The following ECHDC3 variants were observed in gnomAD, a reference collection of about 807,000 sequenced individuals.
ECHDC3 encodes enoyl-CoA hydratase domain-containing protein 3, mitochondrial.
A neutral mutation model predicts 17.9 loss-of-function variants in ECHDC3; 20 were observed. The observed-to-expected ratio is 1.12, with a 90% confidence interval of 0.79 to 1.63. ECHDC3 has a LOEUF of 1.63. Among genes scored for constraint, ECHDC3 ranks in the 40% most tolerant of loss-of-function variants. The probability of loss-of-function intolerance (pLI) is 0.00; values close to 1 mark genes in which losing one functional copy is unlikely to be tolerated. For missense variants in ECHDC3, 407 were observed against 357.7 expected (o/e 1.14, Z -1.11); for synonymous variants, 177 against 149.7 (o/e 1.18, Z -1.33).
In ECHDC3 at chr10:11,742,477, G is replaced by A; in HGVS notation, c.-100G>A. On this transcript the variant is annotated 5_prime_UTR_variant, in exon 1 of 5. Transcript: ENST00000379215. ...CTCGGCCACCGTCGAGTTCCGTCGA[G>A]TTCCGTCCCGGCCCTGCTCACAGCA... The A allele has an allele frequency of 8.6e-7, 1 of 1,161,874 alleles. No homozygotes were observed. The highest frequency in any genetic ancestry group is 1.1e-6 in the Non-Finnish European group (1 of 925,296). The allele number at this position is 1,161,874 out of a possible 1,614,324, so 72.0% of individuals were successfully genotyped here. A position where few individuals can be genotyped will look rare whatever the true frequency, so the allele number is the denominator to read the frequency against.
chr10:11,763,174 G>A lies in ECHDC3; in HGVS notation c.592-50G>A, dbSNP rs1156471545. 1.4e-6 allele frequency: 1 copy of A among 695,968 alleles called. No homozygotes were observed. The highest frequency in any genetic ancestry group is 2.7e-6 in the Non-Finnish European group (1 of 376,860). The allele number at this position is 695,968 out of a possible 1,614,324, so 43.1% of individuals were successfully genotyped here. A position where few individuals can be genotyped will look rare whatever the true frequency, so the allele number is the denominator to read the frequency against. On this transcript the variant is annotated intron_variant, in intron 4 of 4. Transcript: ENST00000379215. The surrounding 1 kb of genome is among the most constrained non-coding windows in gnomAD (Gnocchi z 4.9). Reference sequence around the variant, plus strand: ...GAGCCGAGGCGGGACTCAGGTGGCGGGGGCGGGTCACAGGAGAGCACCTCA... The same window carrying A: ...GAGCCGAGGCGGGACTCAGGTGGCGAGGGCGGGTCACAGGAGAGCACCTCA...
chr10:11,760,686 A>C (rs1832939429), intron 4 of ECHDC3, among the ~76,000 whole-genome samples: 2 of 152,140 alleles, frequency 1.3e-5, no homozygotes, highest in Non-Finnish European at 2.9e-5. Context: ...GTGGAGGGTA[A>C]GTGGCTGGGA....
intron 1 of ECHDC3, 127 bp from the exon 2 acceptor site, chr10:11,747,222 G>T (rs1394230252): frequency 4.1e-6 from 5 of 1,225,934 alleles, no homozygotes; most frequent in East Asian, 2.8e-5. Context: ...CTCTAAATTG[G>T]CACTAAGCCC....
At chr10:11,742,936 C>T (rs1588461015) in intron 1 of ECHDC3, 190 bp downstream of exon 1, 1 of 577,172 alleles carries the variant, frequency 1.7e-6, no homozygotes, top group Non-Finnish European at 2.5e-6. Flanking sequence ...GTGGGACTGC[C>T]CGGGGCTCCA....
At position 11,755,423 on chromosome 10, in the gene ECHDC3, C is replaced by T. The variant is rs777044155; in HGVS notation, c.406C>T (p.Arg136Trp). 16 of 1,612,022 alleles carry T rather than the reference C, an allele frequency of 9.9e-6. No individual in the cohort carries two copies. The East Asian group carries it at 1.8e-4, about 18-fold the overall frequency. Residue 136 changes from arginine to tryptophan, a missense_variant, in exon 4 of 5, where the codon CGG (arginine) becomes TGG (tryptophan). Transcript: ENST00000379215. ...QTCSKVMMHI[R>W]NHPVPVIAMV... ...TGTCCCGCAGGTCATGATGCACATC[C>T]GGAACCACCCCGTTCCCGTCATTGC... is the stretch of plus-strand genomic sequence containing the variant.
intron 1 of ECHDC3, among the ~76,000 whole-genome samples, chr10:11,744,154 G>A (rs899248281): frequency 1.3e-5 from 2 of 152,158 alleles, no homozygotes; most frequent in Admixed American, 1.3e-4. Context: ...CTTAACAGTG[G>A]CCTGCAAAGT....
In ECHDC3 at chr10:11,757,928, G is replaced by C. The variant is rs576427278; in HGVS notation, c.591+2320G>C. ...TGCCCGTTGTCTTTGCTGATTGTGC[G>C]CATGTGAACCCATCCACGGACATCC... On this transcript the variant is annotated intron_variant, in intron 4 of 4. Coordinates refer to ENST00000379215, the MANE Select transcript of ECHDC3 (RefSeq NM_024693.5). Among the ~76,000 whole-genome samples the C allele has an allele frequency of 1.8e-4, 28 of 152,274 alleles. No individual in the cohort carries two copies. The South Asian group carries it at 2.3e-3, about 12-fold the overall frequency.
chr10:11,758,764 A>T (rs1832912966), intron 4 of ECHDC3, among the ~76,000 whole-genome samples: 1 of 152,314 alleles, frequency 6.6e-6, no homozygotes, highest in South Asian at 2.1e-4. Flanking sequence ...AGCCCCAGGG[A>T]CAGACCCTGC....
At chr10:11,762,264 G>A (rs554664187) in intron 4 of ECHDC3, among the ~76,000 whole-genome samples, 54 of 152,318 alleles carry the variant, frequency 3.5e-4, no homozygotes, top group Admixed American at 7.2e-4. Flanking sequence ...GATAGGGGAT[G>A]CAGGACCAGA....
At chr10:11,757,596 A>AC (rs1832897731) in intron 4 of ECHDC3, among the ~76,000 whole-genome samples, 1 of 17,136 alleles carries the variant, frequency 5.8e-5, no homozygotes, top group African/African-American at 6.4e-5. Flanking sequence ...AAATCACTCA[A>AC]CTGGAGACTC....
At chr10:11,755,715 C>A in intron 4 of ECHDC3, 107 bp downstream of exon 4, 2 of 1,107,852 alleles carry the variant, frequency 1.8e-6, no homozygotes, top group Non-Finnish European at 2.6e-6. Context: ...CCTTTCATAT[C>A]AGGACGTTCT....
In ECHDC3 at chr10:11,759,686, A is replaced by G. The variant is rs147715172; in HGVS notation, c.592-3538A>G. On this transcript the variant is annotated intron_variant, in intron 4 of 4. Transcript: ENST00000379215. Reference sequence around the variant, plus strand: ...ACGGTTCTTGCCATTTGGGTGGCCTATGAGATCCAGAAGACCCCTCTGCTT... The same window carrying G: ...ACGGTTCTTGCCATTTGGGTGGCCTGTGAGATCCAGAAGACCCCTCTGCTT... 9.7e-4 allele frequency among the ~76,000 whole-genome samples: 148 copies of G among 152,306 alleles called. 1 individual carries two copies. The highest frequency in any genetic ancestry group is 3.3e-3 in the African/African-American group (138 of 41,564).
intron 3 of ECHDC3, among the ~76,000 whole-genome samples, chr10:11,751,526 T>C (rs1832822927): frequency 6.6e-6 from 1 of 152,254 alleles, no homozygotes; most frequent in African/African-American, 2.4e-5. Context: ...AGCTAGATAT[T>C]TCATTGTTCA....
rs1832709397 is a variant in ECHDC3 at position 11,742,707 on chromosome 10, A to G, written c.131A>G (p.Glu44Gly). 2 of 1,238,578 alleles carry G rather than the reference A, an allele frequency of 1.6e-6. No individual in the cohort carries two copies. Among genetic ancestry groups the G allele is most frequent in the Non-Finnish European group, 1.0e-6 (1 of 992,182 alleles). 76.7% of individuals were successfully genotyped at this position (1,238,578 alleles called of 1,614,324 possible). A position where few individuals can be genotyped will look rare whatever the true frequency, so the allele number is the denominator to read the frequency against. The change falls in exon 1 of 5, where the codon GAG becomes GGG. Residue 44 changes from glutamate to glycine, a missense_variant. Glu to Gly is a moderately conservative substitution (Grantham distance 98, BLOSUM62 -2). Transcript: ENST00000379215. ...DPAGAGRRES[E>G]PRPTSARQLD... The stretch of plus-strand genomic sequence containing the variant: ...GCCGGGGCGGGGCGGCGGGAGTCGG[A>G]GCCGCGGCCCACCAGCGCGCGGCAG...
At chr10:11,750,995 A>T (rs1213234090) in intron 3 of ECHDC3, among the ~76,000 whole-genome samples, 2 of 152,214 alleles carry the variant, frequency 1.3e-5, no homozygotes, top group Non-Finnish European at 2.9e-5. Flanking sequence ...TCGAAGCTTC[A>T]TGGGGAAGTG....
rs568630759 is a variant in ECHDC3 at position 11,752,416 on chromosome 10, G to A, written c.390+2824G>A. Among the ~76,000 whole-genome samples the A allele has an allele frequency of 1.1e-4, 17 of 150,488 alleles. No homozygotes were observed. The East Asian group carries it at 1.4e-3, about 12-fold the overall frequency. ...ATTACAGGTGTGAGCCACAGCACCCGGCCTAAAATAGTCTTAATCATGAAA... is the reference window on the plus strand; with the variant it reads ...ATTACAGGTGTGAGCCACAGCACCCAGCCTAAAATAGTCTTAATCATGAAA... On this transcript the variant is annotated intron_variant, in intron 3 of 4. Transcript: ENST00000379215.
rs1388508665 is a variant in ECHDC3 at position 11,747,365 on chromosome 10, A to T, written c.187A>T (p.Asn63Tyr). The change falls in exon 2 of 5, where the codon AAT becomes TAT. Residue 63 changes from asparagine (N) to tyrosine (Y), a missense_variant. Asn to Tyr is a moderately radical substitution (Grantham distance 143, BLOSUM62 -2). Transcript: ENST00000379215. ...TCTTCACAGGAACATCGTCTTGAGC[A>T]ATCCCAAGAAGAGGAACGCGTTGTC... Reference protein sequence around the residue: ...LDGIRNIVLSNPKKRNALSLA... With the variant: ...LDGIRNIVLSYPKKRNALSLA... 1.2e-6 allele frequency: 2 copies of T among 1,613,972 alleles called. No individual in the cohort carries two copies. The highest frequency in any genetic ancestry group is 3.3e-5 in the Admixed American group (2 of 60,014).
intron 3 of ECHDC3, among the ~76,000 whole-genome samples, chr10:11,754,299 T>TAACCCAAATTTC (rs6143782): frequency 0.94 from 142,264 of 152,150 alleles, 67,313 homozygotes; most frequent in East Asian, 1. Flanking sequence ...TGCCTTGGGG[T>TAACCCAAATTTC]ATTCCCATCC....
chr10:11,743,806 C>G (rs1832723205), intron 1 of ECHDC3, among the ~76,000 whole-genome samples: 1 of 152,258 alleles, frequency 6.6e-6, no homozygotes, highest in Non-Finnish European at 1.5e-5. Flanking sequence ...TTCTGTAAAT[C>G]TGGTCACATC....
Sources: allele counts gnomAD v4.1 joint callset (sites outside exome capture counted in the v4.1 genomes callset), GRCh38; gene constraint gnomAD v4.1.1; non-coding constraint Gnocchi (gnomAD v3.1); transcripts MANE v1.5; gene names NCBI Gene and HGNC (gene_info 2026-07-23, HGNC 2026-07-21).